ZNF277: variants seen among roughly 807,000 people sequenced by gnomAD.
ZNF277 encodes the protein nuclear receptor-interacting factor 4.
Under a neutral mutation model 60.7 loss-of-function variants are expected in ZNF277, and 55 were observed. That is an observed-to-expected ratio of 0.91 (90% confidence interval 0.73 to 1.13). The LOEUF (loss-of-function observed/expected upper bound fraction) is 1.13. Ranked by LOEUF, ZNF277 falls within the 50% of genes most tolerant of loss-of-function variation. The probability of loss-of-function intolerance (pLI) is 0.00; values close to 1 mark genes in which losing one functional copy is unlikely to be tolerated. For missense variants in ZNF277, 510 were observed against 523.0 expected (o/e 0.98, Z 0.24); for synonymous variants, 178 against 179.3 (o/e 0.99, Z 0.06).
intron 1 of ZNF277, among the ~76,000 whole-genome samples, chr7:112,225,061 G>A (rs747873694): frequency 2.6e-4 from 40 of 152,164 alleles, no homozygotes; most frequent in Non-Finnish European, 7.3e-5. Context: ...TAGAATCAGG[G>A]CAACAGATTA....
intron 1 of ZNF277, among the ~76,000 whole-genome samples, chr7:112,276,003 G>A (rs923550428): frequency 1.3e-5 from 2 of 152,208 alleles, no homozygotes; most frequent in African/African-American, 4.8e-5. Flanking sequence ...AGCTTCATCA[G>A]TGTTGTATTG....
chr7:112,277,773 T>C (rs933257110), intron 1 of ZNF277, among the ~76,000 whole-genome samples: 2 of 152,214 alleles, frequency 1.3e-5, no homozygotes, highest in African/African-American at 4.8e-5. Context: ...ATTTGTCTTA[T>C]CATTATATTT....
chr7:112,293,320 T>C (rs1355326434), intron 2 of ZNF277, among the ~76,000 whole-genome samples: 1 of 152,150 alleles, frequency 6.6e-6, no homozygotes. Context: ...CTCTCACCTG[T>C]AATCCCAGCA....
At chr7:112,324,243 C>G (rs558153571) in intron 5 of ZNF277, among the ~76,000 whole-genome samples, 1 of 152,106 alleles carries the variant, frequency 6.6e-6, no homozygotes, top group African/African-American at 2.4e-5. Flanking sequence ...CCAACACAAA[C>G]TGTACTTTAT....
chr7:112,296,912 ATTTTTTTTT>A (rs1170078999), intron 4 of ZNF277, among the ~76,000 whole-genome samples: 692 of 39,706 alleles, frequency 0.017, 28 homozygotes, highest in African/African-American at 0.037. Context: ...TTATTTATTT[ATTTTTTTTT>A]TTTTTTTTTT....
intron 4 of ZNF277, among the ~76,000 whole-genome samples, chr7:112,305,503 G>T (rs1200037462): frequency 6.6e-6 from 1 of 151,796 alleles, no homozygotes; most frequent in South Asian, 2.1e-4. Context: ...TTTCTCGGGG[G>T]TAGGAAAGAT....
At position 112,339,924 on chromosome 7, in the gene ZNF277, T is replaced by C. The variant is rs754182509; in HGVS notation, c.1009+39T>C. The C allele has an allele frequency of 1.8e-5, 29 of 1,590,794 alleles. 1 individual carries two copies. Among genetic ancestry groups the C allele is most frequent in the Non-Finnish European group, 2.4e-5 (28 of 1,168,490 alleles). On this transcript the variant is annotated intron_variant, in intron 10 of 11. Coordinates refer to ENST00000361822, the MANE Select transcript of ZNF277 (RefSeq NM_021994.3). ...AGAGGTTTTTTTCTGTGATGCTTCA[T>C]TTTTTATAAACCATCCTGTAAGCTA...
Position 112,235,697 on chromosome 7 carries a change from T to A in ZNF277, c.91+28890T>A, listed in dbSNP as rs1310367117. Among the ~76,000 whole-genome samples, 5 of 152,074 alleles carry A rather than the reference T, an allele frequency of 3.3e-5. No individual in the cohort carries two copies. In the East Asian group the frequency reaches 9.6e-4, roughly 29 times the overall value. ...ATGATTTTCAGATATTTTCTCCCAT[T>A]CTGTGGGCTGTCTTTCCATGTTCTT... On this transcript the variant is annotated intron_variant, in intron 1 of 11. Coordinates refer to ENST00000361822, the MANE Select transcript of ZNF277 (RefSeq NM_021994.3).
chr7:112,330,096 G>A lies in ZNF277; in HGVS notation c.681G>A (p.Leu227=). The A allele has an allele frequency of 1.2e-6, 2 of 1,613,220 alleles. No homozygotes were observed. Among genetic ancestry groups the A allele is most frequent in the Non-Finnish European group, 1.7e-6 (2 of 1,179,720 alleles). ...GTATTTCTTGTAGTTTGCAGTGCTT[G>A]TACTGTGAGAAGACCTTCAGGGACA... ...LQKKLDNLQC[L]YCEKTFRDKN... is the part of the protein sequence containing the mutation. The change falls in exon 7 of 12, where the codon TTG becomes TTA. Residue 227 remains leucine, a synonymous_variant. Transcript: ENST00000361822.
intron 1 of ZNF277, among the ~76,000 whole-genome samples, chr7:112,241,907 CAGAT>C (rs1790962850): frequency 6.6e-6 from 1 of 151,900 alleles, no homozygotes; most frequent in African/African-American, 2.4e-5. Flanking sequence ...AAAATATAGT[CAGAT>C]AGAGTGAATA....
chr7:112,299,221 G>A (rs1370930663), intron 4 of ZNF277, among the ~76,000 whole-genome samples: 1 of 152,148 alleles, frequency 6.6e-6, no homozygotes. Context: ...CGTTAGCAAT[G>A]ATTATAGGAT....
At chr7:112,258,032 AT>A (rs1376330029) in intron 1 of ZNF277, among the ~76,000 whole-genome samples, 1 of 151,778 alleles carries the variant, frequency 6.6e-6, no homozygotes, top group Non-Finnish European at 1.5e-5. Flanking sequence ...AGGCTGGCAA[AT>A]TTTTTTAAGC....
At chr7:112,207,977 G>C (rs1006330974) in intron 1 of ZNF277, among the ~76,000 whole-genome samples, 2 of 152,150 alleles carry the variant, frequency 1.3e-5, no homozygotes, top group South Asian at 4.2e-4. Flanking sequence ...GTTATATATT[G>C]GGCTATCTGA....
intron 1 of ZNF277, among the ~76,000 whole-genome samples, chr7:112,273,176 T>C (rs1446742387): frequency 6.6e-6 from 1 of 152,190 alleles, no homozygotes. Context: ...CTTTCAAATT[T>C]ATTTGCGACC....
intron 1 of ZNF277, 58 bp downstream of exon 1, chr7:112,206,865 G>A (rs755827319): frequency 3.9e-6 from 6 of 1,554,312 alleles, no homozygotes; most frequent in Non-Finnish European, 5.3e-6. Context: ...ATGACCGGGT[G>A]TGCAACGGAC....
chr7:112,299,049 A>C (rs963263290), intron 4 of ZNF277, among the ~76,000 whole-genome samples: 3 of 152,124 alleles, frequency 2.0e-5, no homozygotes, highest in Non-Finnish European at 4.4e-5. Flanking sequence ...GGCAGTTTAC[A>C]ATAGCCCGCC....
chr7:112,292,505 A>G (rs964517831), intron 2 of ZNF277, among the ~76,000 whole-genome samples: 4 of 152,060 alleles, frequency 2.6e-5, no homozygotes, highest in African/African-American at 9.7e-5. Flanking sequence ...ATTCTATGTG[A>G]CCTCATTGGT....
intron 1 of ZNF277, among the ~76,000 whole-genome samples, chr7:112,222,989 CGAACATCGTACTCCAA>C (rs981874402): frequency 5.9e-5 from 9 of 152,184 alleles, no homozygotes; most frequent in African/African-American, 2.2e-4. Flanking sequence ...TTCCTGCCCT[CGAACATCGTACTCCAA>C]GTTCTTCAGT....
In ZNF277 at chr7:112,278,861, A is replaced by G. The variant is rs1232727350; in HGVS notation, c.92-8012A>G. ...GATCTCTAGAACTTTTTCATCTTCC[A>G]TTACTGAAATTCCATACTCATTAAA... On this transcript the variant is annotated intron_variant, in intron 1 of 11. Transcript: ENST00000361822. Among the ~76,000 whole-genome samples, 5 of 152,280 alleles carry G rather than the reference A, an allele frequency of 3.3e-5. No individual in the cohort carries two copies. The South Asian group carries it at 1.0e-3, about 32-fold the overall frequency.
Sources: gnomAD v4.1 joint callset for allele counts (sites outside exome capture counted in the v4.1 genomes callset) on GRCh38, gnomAD v4.1.1 for gene constraint, MANE v1.5 for transcripts, NCBI Gene and HGNC (gene_info 2026-07-23, HGNC 2026-07-21) for gene names.